The following CCDC91 variants were observed in gnomAD, a reference collection of about 807,000 sequenced individuals.
CCDC91 encodes coiled-coil domain containing 91.
In CCDC91, 48 loss-of-function variants were observed where a neutral mutation model predicts 63.2. The observed-to-expected ratio is 0.76, with a 90% confidence interval of 0.60 to 0.97. The LOEUF (loss-of-function observed/expected upper bound fraction) is 0.97. Among genes scored for constraint, CCDC91 ranks in the 50% least tolerant of loss-of-function variants. CCDC91 has a pLI of 0.00. For synonymous variants in CCDC91, 167 were observed against 165.8 expected (o/e 1.01, Z -0.06); for missense variants, 500 against 494.6 (o/e 1.01, Z -0.10).
Position 28,549,144 on chromosome 12 carries a change from A to T in CCDC91, c.1297A>T (p.Ile433Leu). 1 of 1,610,714 alleles carries T rather than the reference A, an allele frequency of 6.2e-7. No individual in the cohort carries two copies. The highest frequency in any genetic ancestry group is 8.5e-7 in the Non-Finnish European group (1 of 1,177,180). The change falls in exon 13 of 13, where the codon ATA (isoleucine) becomes TTA (leucine). Residue 433 changes from isoleucine to leucine, a missense_variant. By Grantham distance (5) the Ile-to-Leu change is conservative. Coordinates refer to ENST00000536442, the MANE Select transcript of CCDC91 (RefSeq NM_018318.5). ...TGCACAGAAACAGTTAAGTGCTTTA[A>T]TAGCTACGGAACCAGTTGACATTGA... ...SCAQKQLSALIATEPVDIE is the reference protein window; with the variant it reads ...SCAQKQLSALLATEPVDIE
At chr12:28,490,346 C>T (rs1951934902) in intron 12 of CCDC91, among the ~76,000 whole-genome samples, 1 of 151,810 alleles carries the variant, frequency 6.6e-6, no homozygotes, top group Non-Finnish European at 1.5e-5. Context: ...ATACTATACC[C>T]TTACATTCAT....
chr12:28,237,998 TATCA>T (rs1436985027), intron 1 of CCDC91, among the ~76,000 whole-genome samples: 2 of 152,192 alleles, frequency 1.3e-5, no homozygotes, highest in East Asian at 1.9e-4. Flanking sequence ...TTTTTCCCTA[TATCA>T]ATCCCTTTTT....
At chr12:28,392,874 A>G (rs1212685134) in intron 8 of CCDC91, among the ~76,000 whole-genome samples, 1 of 152,200 alleles carries the variant, frequency 6.6e-6, no homozygotes, top group Admixed American at 6.5e-5. Flanking sequence ...TAGAACTAAA[A>G]TCTAAATTGT....
intron 8 of CCDC91, among the ~76,000 whole-genome samples, chr12:28,428,659 A>G (rs976567666): frequency 6.6e-6 from 1 of 151,282 alleles, no homozygotes; most frequent in South Asian, 2.1e-4. Flanking sequence ...AGAGTAAGGC[A>G]TCGTTTTTTA....
At chr12:28,466,580 G>A (rs1223608813) in intron 11 of CCDC91, among the ~76,000 whole-genome samples, 1 of 152,048 alleles carries the variant, frequency 6.6e-6, no homozygotes, top group Non-Finnish European at 1.5e-5. Flanking sequence ...AGTGCTGAAG[G>A]AAATAAACTT....
At chr12:28,302,029 A>G (rs1187614589) in intron 3 of CCDC91, among the ~76,000 whole-genome samples, 3 of 151,816 alleles carry the variant, frequency 2.0e-5, no homozygotes, top group African/African-American at 7.2e-5. Context: ...ACTTCAATGA[A>G]TGCAGTATCT....
intron 1 of CCDC91, among the ~76,000 whole-genome samples, chr12:28,206,070 A>G (rs1942825669): frequency 6.6e-6 from 1 of 152,176 alleles, no homozygotes; most frequent in African/African-American, 2.4e-5. Context: ...CAGGGGAAAA[A>G]CAAACCAGGT....
chr12:28,342,018 CAAAGT>C (rs1469882817), intron 6 of CCDC91, among the ~76,000 whole-genome samples: 4 of 152,126 alleles, frequency 2.6e-5, no homozygotes, highest in African/African-American at 9.7e-5. Context: ...TCTCAGACCT[CAAAGT>C]AGAGAGATTC....
At chr12:28,240,660 A>T (rs1384843015) in intron 1 of CCDC91, among the ~76,000 whole-genome samples, 1 of 151,914 alleles carries the variant, frequency 6.6e-6, no homozygotes, top group African/African-American at 2.4e-5. Context: ...CACTCAGTGT[A>T]ATACCTTTGA....
chr12:28,214,289 C>G (rs911841396), intron 1 of CCDC91, among the ~76,000 whole-genome samples: 2 of 151,988 alleles, frequency 1.3e-5, no homozygotes, highest in African/African-American at 2.4e-5. Context: ...GATTGCTGTT[C>G]TATAATGGAG....
chr12:28,259,350 C>T lies in CCDC91; in HGVS notation c.31-14C>T, dbSNP rs372218991. ...TTTCACATCTTCTAAAATAATCTTG[C>T]CTTTGTCTTGTAGGCTGCGGAGACT... On this transcript the variant is annotated splice_polypyrimidine_tract_variant and intron_variant, in intron 2 of 12. Coordinates refer to ENST00000536442, the MANE Select transcript of CCDC91 (RefSeq NM_018318.5). 1.2e-5 allele frequency: 19 copies of T among 1,599,780 alleles called. No homozygotes were observed. The highest frequency in any genetic ancestry group is 1.6e-5 in the Non-Finnish European group (19 of 1,168,156).
chr12:28,492,694 A>G (rs1005912731), intron 12 of CCDC91, among the ~76,000 whole-genome samples: 1 of 151,570 alleles, frequency 6.6e-6, no homozygotes, highest in Non-Finnish European at 1.5e-5. Context: ...GGCAGGAGGT[A>G]CTCAGTAATA....
chr12:28,523,968 C>T (rs548276510), intron 12 of CCDC91, among the ~76,000 whole-genome samples: 5 of 152,070 alleles, frequency 3.3e-5, no homozygotes, highest in Admixed American at 3.3e-4. Context: ...AAAGATACTC[C>T]TCAAGAAGAG....
intron 3 of CCDC91, among the ~76,000 whole-genome samples, chr12:28,274,592 T>C (rs1192343410): frequency 6.6e-6 from 1 of 152,130 alleles, no homozygotes; most frequent in African/African-American, 2.4e-5. Context: ...TATTTTATTC[T>C]CTTTGAAGCA....
At chr12:28,300,624 ACATTTAATGCC>A (rs974104422) in intron 3 of CCDC91, among the ~76,000 whole-genome samples, 1 of 151,538 alleles carries the variant, frequency 6.6e-6, no homozygotes, top group African/African-American at 2.4e-5. Flanking sequence ...TTTTAATGTC[ACATTTAATGCC>A]CATTTATCTA....
At chr12:28,325,861 T>C (rs930437570) in intron 6 of CCDC91, among the ~76,000 whole-genome samples, 2 of 152,094 alleles carry the variant, frequency 1.3e-5, no homozygotes, top group Non-Finnish European at 2.9e-5. Flanking sequence ...TATTCTATTT[T>C]AGTTGTGTTT....
intron 11 of CCDC91, among the ~76,000 whole-genome samples, chr12:28,475,248 T>C (rs1192277111): frequency 6.6e-6 from 1 of 152,140 alleles, no homozygotes; most frequent in Admixed American, 6.6e-5. Flanking sequence ...AGGCTTATTA[T>C]CACTTTGAGA....
intron 7 of CCDC91, 32 bp from the exon 8 acceptor site, chr12:28,391,270 CTG>C (rs750108068): frequency 7.5e-7 from 1 of 1,332,166 alleles, no homozygotes; most frequent in South Asian, 1.2e-5. Context: ...CAAGTTTTGT[CTG>C]TGATCCAAAT....
At chr12:28,545,375 A>G (rs1942917005) in intron 12 of CCDC91, among the ~76,000 whole-genome samples, 1 of 152,188 alleles carries the variant, frequency 6.6e-6, no homozygotes, top group South Asian at 2.1e-4. Context: ...TGCCAAGAAC[A>G]TCAGTTTGAT....
Sources: allele counts gnomAD v4.1 joint callset (sites outside exome capture counted in the v4.1 genomes callset), GRCh38; gene constraint gnomAD v4.1.1; transcripts MANE v1.5; gene names NCBI Gene and HGNC (gene_info 2026-07-23, HGNC 2026-07-21).